Variants in EIF3J observed in about 807,000 individuals in gnomAD.
EIF3J encodes eukaryotic translation initiation factor 3 subunit J.
Under a neutral mutation model 39.0 loss-of-function variants are expected in EIF3J, and 15 were observed. The observed-to-expected ratio is 0.38, with a 90% CI of 0.26 to 0.59. EIF3J has a LOEUF of 0.59. EIF3J is among the 20% of genes least tolerant of loss of function. The pLI is 0.60. For synonymous variants in EIF3J, 98 were observed against 112.9 expected (o/e 0.87, Z 0.84); for missense variants, 226 against 308.6 (o/e 0.73, Z 2.00).
At chr15:44,556,608 G>A (rs2082146153) in intron 5 of EIF3J, among the ~76,000 whole-genome samples, 1 of 152,100 alleles carries the variant, frequency 6.6e-6, no homozygotes, top group Admixed American at 6.5e-5. Flanking sequence ...CTGGGTTGAA[G>A]TGATTCTCGT....
intron 2 of EIF3J, among the ~76,000 whole-genome samples, chr15:44,540,249 ATATATATATATATATATATTTT>A (rs1305165676): frequency 4.4e-5 from 2 of 45,438 alleles, no homozygotes; most frequent in Non-Finnish European, 9.4e-5. Context: ...ATATATATAT[ATATATATATATATATATATTTT>A]TTTTTTTTTT....
chr15:44,554,157 A>G (rs1054124009), intron 4 of EIF3J, among the ~76,000 whole-genome samples: 1 of 152,122 alleles, frequency 6.6e-6, no homozygotes, highest in Admixed American at 6.6e-5. Context: ...TGGGCGGATC[A>G]CTTGAGGCCA....
chr15:44,538,289 G>GTT (rs10713864), intron 2 of EIF3J, among the ~76,000 whole-genome samples: 9 of 140,236 alleles, frequency 6.4e-5, no homozygotes, highest in Admixed American at 2.1e-4. Flanking sequence ...CTTCTACATG[G>GTT]TTTTTTTTTT....
chr15:44,548,595 A>G (rs1394653966), intron 2 of EIF3J, among the ~76,000 whole-genome samples: 1 of 152,220 alleles, frequency 6.6e-6, no homozygotes, highest in Non-Finnish European at 1.5e-5. Flanking sequence ...TGGGTATTGT[A>G]TAAACAACAG....
intron 2 of EIF3J, among the ~76,000 whole-genome samples, chr15:44,548,851 A>C (rs1397711960): frequency 3.9e-5 from 6 of 152,212 alleles, no homozygotes; most frequent in South Asian, 4.1e-4. Context: ...GTTGGATTGG[A>C]GATTTCATCA....
At chr15:44,550,828 T>C (rs750697496) in intron 2 of EIF3J, 48 bp from the exon 3 acceptor site, 20 of 1,361,414 alleles carry the variant, frequency 1.5e-5, no homozygotes, top group African/African-American at 4.4e-5. Flanking sequence ...AAAGTTCACA[T>C]AGAAAAGCAA....
intron 3 of EIF3J, 106 bp from the exon 4 acceptor site, chr15:44,551,325 G>C: frequency 1.4e-6 from 1 of 728,936 alleles, no homozygotes; most frequent in Non-Finnish European, 2.2e-6. Flanking sequence ...ACTGTTTGAA[G>C]CTGGGAAAGG....
intron 2 of EIF3J, among the ~76,000 whole-genome samples, chr15:44,547,200 A>G (rs1243051476): frequency 6.6e-6 from 1 of 151,566 alleles, no homozygotes; most frequent in Non-Finnish European, 1.5e-5. Flanking sequence ...CTGGAGTGCA[A>G]TGGCGCGATC....
chr15:44,559,236 T>TAAAAAAA (rs34429624), intron 6 of EIF3J: 1 of 123,828 alleles, frequency 8.1e-6, no homozygotes, highest in Non-Finnish European at 1.7e-5. Flanking sequence ...TCATCTCTAT[T>TAAAAAAA]AAAAAAAAAA....
At chr15:44,539,853 C>T (rs186678683) in intron 2 of EIF3J, among the ~76,000 whole-genome samples, 3 of 151,874 alleles carry the variant, frequency 2.0e-5, no homozygotes, top group Non-Finnish European at 4.4e-5. Flanking sequence ...CTCCGCCTCC[C>T]GGATTCAAGT....
intron 4 of EIF3J, 43 bp from the exon 5 acceptor site, chr15:44,554,510 A>G: frequency 7.7e-7 from 1 of 1,299,634 alleles, no homozygotes; most frequent in South Asian, 1.3e-5. Flanking sequence ...TACTGAGTGC[A>G]TCATAATCCC....
intron 4 of EIF3J, 47 bp from the exon 5 acceptor site, chr15:44,554,506 G>T (rs1395523686): frequency 8.7e-7 from 1 of 1,143,116 alleles, no homozygotes; most frequent in East Asian, 2.4e-5. Context: ...AAGGTACTGA[G>T]TGCATCATAA....
chr15:44,557,488 G>T lies in EIF3J; in HGVS notation c.410-1G>T. 1 of 1,510,758 alleles carries T rather than the reference G, an allele frequency of 6.6e-7. No individual in the cohort carries two copies. Among genetic ancestry groups the T allele is most frequent in the Non-Finnish European group, 8.8e-7 (1 of 1,135,276 alleles). 93.6% of individuals were successfully genotyped at this position (1,510,758 alleles called of 1,614,324 possible). ...TTTTCAGTGCTTCTTTTCTCCTACA[G>T]GTGTTAATAATGCAGTTTATGGAAT... On this transcript the variant is annotated splice_acceptor_variant, in intron 5 of 7. Transcript: ENST00000261868. LOFTEE classifies it high-confidence loss of function.
intron 5 of EIF3J, 57 bp downstream of exon 5, chr15:44,554,724 A>G: frequency 2.7e-6 from 3 of 1,109,922 alleles, no homozygotes; most frequent in Admixed American, 5.0e-5. Context: ...GAAGACCCAG[A>G]AAGTTCAGAA....
chr15:44,561,385 CTAA>C lies in EIF3J; in HGVS notation c.*241_*243del, dbSNP rs1199562348. On this transcript the variant is annotated 3_prime_UTR_variant, in exon 8 of 8. Transcript: ENST00000261868. ...TTGCTACTAAATCATAGTTCAAAAC[CTAA>C]TAATGTTGTCGTTGTTGCTATCTGA... 3.0e-6 allele frequency: 1 copy of C among 334,256 alleles called. No individual in the cohort carries two copies. The highest frequency in any genetic ancestry group is 5.5e-6 in the Non-Finnish European group (1 of 180,304). 20.7% of individuals were successfully genotyped at this position (334,256 alleles called of 1,614,324 possible).
intron 2 of EIF3J, among the ~76,000 whole-genome samples, chr15:44,543,690 G>A (rs922382296): frequency 3.3e-5 from 5 of 152,186 alleles, no homozygotes; most frequent in Non-Finnish European, 7.3e-5. Context: ...GGGATTACAG[G>A]CATGAGTCAC....
At chr15:44,544,726 G>T (rs1223914749) in intron 2 of EIF3J, among the ~76,000 whole-genome samples, 2 of 132,788 alleles carry the variant, frequency 1.5e-5, no homozygotes, top group African/African-American at 2.9e-5. Flanking sequence ...AAAAAAAAAG[G>T]TGGGAGGGGC....
chr15:44,542,972 T>A (rs2082024697), intron 2 of EIF3J, among the ~76,000 whole-genome samples: 1 of 152,202 alleles, frequency 6.6e-6, no homozygotes, highest in African/African-American at 2.4e-5. Flanking sequence ...GTTGTAGACT[T>A]GCTCCCTATT....
intron 2 of EIF3J, among the ~76,000 whole-genome samples, chr15:44,546,908 G>A (rs995304792): frequency 1.6e-4 from 21 of 129,864 alleles, no homozygotes; most frequent in African/African-American, 5.9e-4. Flanking sequence ...CTGCAGCTTC[G>A]CCTCCTGTGC....
Sources: allele counts gnomAD v4.1 joint callset (sites outside exome capture counted in the v4.1 genomes callset), GRCh38; gene constraint gnomAD v4.1.1; transcripts MANE v1.5; gene names NCBI Gene and HGNC (gene_info 2026-07-23, HGNC 2026-07-21).